Variants in ABCA9 observed in about 807,000 individuals in gnomAD.
ABCA9 encodes the protein ATP-binding cassette sub-family A member 9.
In ABCA9, 183 loss-of-function variants were observed where a neutral mutation model predicts 205.3. The ratio of observed to expected loss-of-function variants is 0.89; its 90% CI spans 0.79 to 1.01. The LOEUF (loss-of-function observed/expected upper bound fraction) is 1.01. ABCA9 is among the 50% of genes least tolerant of loss of function. The pLI, the probability that ABCA9 is intolerant of heterozygous loss-of-function variation, is 0.00. For synonymous variants in ABCA9, 651 were observed against 683.3 expected, an observed-to-expected ratio of 0.95 and a Z score of 0.74; for missense variants, 1,805 against 1,912.4, an observed-to-expected ratio of 0.94 and a Z score of 1.05.
rs780194096 is a variant in ABCA9, at chr17:68,985,141, G to A, written c.4209-13C>T. 3 of 1,613,930 alleles carry A rather than the reference G, an allele frequency of 1.9e-6. No homozygotes were observed. In the Admixed American group the frequency reaches 5.0e-5, roughly 27 times the overall value. On this transcript the variant is annotated splice_polypyrimidine_tract_variant and intron_variant, in intron 32 of 38. Transcript: ENST00000340001. ...CGCATCCACTAACCTGAAGAAAACAGAGTCAATCCACATAATCCCAACACT... is the reference window on the plus strand; with the variant it reads ...CGCATCCACTAACCTGAAGAAAACAAAGTCAATCCACATAATCCCAACACT...
chr17:69,028,445 G>A (rs920640183), intron 12 of ABCA9, 90 bp downstream of exon 12: 22 of 856,688 alleles, frequency 2.6e-5, no homozygotes, highest in South Asian at 1.2e-4. Flanking sequence ...GATTACAGGT[G>A]TGAGCCACCG....
intron 28 of ABCA9, 25 bp from the exon 29 acceptor site, chr17:68,990,982 G>A: frequency 1.3e-6 from 2 of 1,585,820 alleles, no homozygotes; most frequent in Non-Finnish European, 1.7e-6. Context: ...GTGTGATAAT[G>A]ATAAACTTCG....
chr17:68,987,360 AAATAT>A (rs1465951627), intron 31 of ABCA9, among the ~76,000 whole-genome samples: 4 of 152,204 alleles, frequency 2.6e-5, no homozygotes, highest in Non-Finnish European at 4.4e-5. Context: ...AAGAAACATA[AAATAT>A]AAGTAGTAAG....
At position 69,009,369 on chromosome 17, in the gene ABCA9, A is replaced by G. The variant is rs146029188; in HGVS notation, c.3148-1134T>C. Reference sequence around the variant, plus strand: ...ATATCTGGGTGACCGGTCAGAAAGCACTGTGGGCAGAGAGAACAGCAGGAG... The same window carrying G: ...ATATCTGGGTGACCGGTCAGAAAGCGCTGTGGGCAGAGAGAACAGCAGGAG... On this transcript the variant is annotated intron_variant, in intron 23 of 38. Transcript: ENST00000340001. Among the ~76,000 whole-genome samples, 89 of 152,274 alleles carry G rather than the reference A, an allele frequency of 5.8e-4. 1 individual carries two copies. Among genetic ancestry groups the G allele is most frequent in the African/African-American group, 2.0e-3 (83 of 41,550 alleles).
the ABCA9 span, among the ~76,000 whole-genome samples, chr17:69,067,805 C>T: frequency 6.6e-6 from 1 of 152,160 alleles, no homozygotes; most frequent in Admixed American, 6.5e-5. Flanking sequence ...AGTTCAGAAG[C>T]CTCACAGAGC....
intron 22 of ABCA9, 128 bp downstream of exon 22, chr17:69,016,115 TATATATATAC>T (rs1480493371): frequency 8.7e-5 from 25 of 287,174 alleles, no homozygotes; most frequent in Admixed American, 1.2e-4. Flanking sequence ...TATATATATA[TATATATATAC>T]ACACACACAC....
At position 68,976,130 on chromosome 17, in the gene ABCA9, C is replaced by G. The variant is rs1269338684; in HGVS notation, c.4776+5G>C. ...GATGATATAGAATCACTAAAAATGA[C>G]CCACCTGCTCCAGGGTAGACTGTGA... On this transcript the variant is annotated splice_donor_5th_base_variant and intron_variant, in intron 38 of 38. Transcript: ENST00000340001. 6.2e-7 allele frequency: 1 copy of G among 1,613,776 alleles called. No individual in the cohort carries two copies. Among genetic ancestry groups the G allele is most frequent in the Non-Finnish European group, 8.5e-7 (1 of 1,179,680 alleles).
chr17:69,009,563 T>C (rs2070292918), intron 23 of ABCA9, among the ~76,000 whole-genome samples: 1 of 152,158 alleles, frequency 6.6e-6, no homozygotes, highest in African/African-American at 2.4e-5. Context: ...TCAATCCTGC[T>C]CCTTGGTATG....
rs16973539 is a variant in ABCA9 at position 69,044,468 on chromosome 17, T to G, written c.573+29A>C. On this transcript the variant is annotated intron_variant, in intron 5 of 38. Transcript: ENST00000340001. ...CATCCAGCAAAATTCAAATGCAATG[T>G]GGTTAGATTCCTTTAACTTTATACT... 6.8e-3 allele frequency: 10,823 copies of G among 1,583,454 alleles called. 461 individuals are homozygous for G. In the African/African-American group the frequency reaches 0.11, roughly 16 times the overall value.
At chr17:69,003,783 A>T (rs2069986273) in intron 25 of ABCA9, among the ~76,000 whole-genome samples, 2 of 151,892 alleles carry the variant, frequency 1.3e-5, no homozygotes, top group Non-Finnish European at 2.9e-5. Flanking sequence ...GTCTTTTCAC[A>T]TAGTCCCATA....
At chr17:69,034,337 T>C (rs2071263355) in intron 8 of ABCA9, among the ~76,000 whole-genome samples, 1 of 152,188 alleles carries the variant, frequency 6.6e-6, no homozygotes. Context: ...TTCTCCCACA[T>C]CAGCCTCCAG....
intron 20 of ABCA9, chr17:69,018,164 T>C: frequency 2.5e-6 from 1 of 404,480 alleles, no homozygotes; most frequent in Non-Finnish European, 4.3e-6. Flanking sequence ...GAGTCAATGA[T>C]TTACCTCCCT....
intron 1 of ABCA9, among the ~76,000 whole-genome samples, chr17:69,056,768 A>T (rs1248764709): frequency 6.6e-6 from 1 of 152,230 alleles, no homozygotes; most frequent in Admixed American, 6.5e-5. Flanking sequence ...TATACTGTGT[A>T]AGAGATAATG....
chr17:69,042,013 G>A (rs557815487), intron 6 of ABCA9, among the ~76,000 whole-genome samples: 12 of 152,178 alleles, frequency 7.9e-5, no homozygotes, highest in Non-Finnish European at 1.2e-4. Context: ...TTAACAGGGA[G>A]ATAATATCAC....
chr17:69,052,025 G>A lies in ABCA9; in HGVS notation c.-13-886C>T, dbSNP rs188329256. Among the ~76,000 whole-genome samples the A allele has an allele frequency of 5.9e-5, 9 of 152,214 alleles. No individual in the cohort carries two copies. The East Asian group carries it at 1.3e-3, about 23-fold the overall frequency. On this transcript the variant is annotated intron_variant, in intron 1 of 38. Coordinates refer to ENST00000340001, the MANE Select transcript of ABCA9 (RefSeq NM_080283.4). Reference sequence around the variant, plus strand: ...TTGAATCAATTATTTTGTGTGCCACGAACTTAAGAGATTGATTAACTTTTA... The same window carrying A: ...TTGAATCAATTATTTTGTGTGCCACAAACTTAAGAGATTGATTAACTTTTA...
intron 1 of ABCA9, among the ~76,000 whole-genome samples, chr17:69,056,840 G>A (rs1275178221): frequency 6.6e-6 from 1 of 152,152 alleles, no homozygotes; most frequent in Non-Finnish European, 1.5e-5. Context: ...TTAAATATGT[G>A]GTGATGAAGA....
At chr17:69,058,860 G>A (rs1971190602) in intron 1 of ABCA9, among the ~76,000 whole-genome samples, 1 of 151,590 alleles carries the variant, frequency 6.6e-6, no homozygotes, top group Admixed American at 6.6e-5. Flanking sequence ...AGACATACCT[G>A]AGACTGAGTA....
At chr17:69,040,320 G>GCTA (rs1449356544) in intron 6 of ABCA9, among the ~76,000 whole-genome samples, 2 of 152,126 alleles carry the variant, frequency 1.3e-5, no homozygotes, top group Non-Finnish European at 1.5e-5. Context: ...GCCCATAAAT[G>GCTA]CTAGACTGGA....
chr17:69,059,349 TG>T (rs2072161938), intron 1 of ABCA9, among the ~76,000 whole-genome samples: 1 of 152,114 alleles, frequency 6.6e-6, no homozygotes, highest in South Asian at 2.1e-4. Flanking sequence ...CTGGATTATC[TG>T]GGTAGACCCA....
Sources: allele counts gnomAD v4.1 joint callset (sites outside exome capture counted in the v4.1 genomes callset), GRCh38; gene constraint gnomAD v4.1.1; transcripts MANE v1.5; gene names NCBI Gene and HGNC (gene_info 2026-07-23, HGNC 2026-07-21).